TRPS1: variants seen among roughly 807,000 people sequenced by gnomAD.
The protein encoded by TRPS1 is transcriptional repressor GATA binding 1, also known as zinc finger transcription factor Trps1.
Under a neutral mutation model 101.2 loss-of-function variants are expected in TRPS1, and 6 were observed. The observed-to-expected ratio is 0.06, with a 90% confidence interval of 0.03 to 0.12. The LOEUF is 0.12. Among genes scored for constraint, TRPS1 ranks in the 10% least tolerant of loss-of-function variants. TRPS1 has a pLI of 1.00. For missense variants in TRPS1, 1,363 were observed against 1,567.0 expected (o/e 0.87, Z 2.20); for synonymous variants, 578 against 589.8 (o/e 0.98, Z 0.29).
At chr8:115,517,429 C>T (rs1248341674) in intron 5 of TRPS1, among the ~76,000 whole-genome samples, 1 of 151,120 alleles carries the variant, frequency 6.6e-6, no homozygotes, top group Non-Finnish European at 1.5e-5. Context: ...AATTTTTATA[C>T]AACAGTTATT....
At chr8:115,569,729 G>C (rs1200964479) in intron 5 of TRPS1, among the ~76,000 whole-genome samples, 1 of 152,064 alleles carries the variant, frequency 6.6e-6, no homozygotes, top group Admixed American at 6.6e-5. Flanking sequence ...CTTGAGCCCA[G>C]TATCTAATAT....
chr8:115,635,937 T>A (rs1406575346), intron 1 of TRPS1, among the ~76,000 whole-genome samples: 1 of 152,206 alleles, frequency 6.6e-6, no homozygotes, highest in Non-Finnish European at 1.5e-5. Context: ...CACATCAAGT[T>A]TTCATACATA....
intron 5 of TRPS1, among the ~76,000 whole-genome samples, chr8:115,585,302 G>A (rs905890227): frequency 1.3e-5 from 2 of 152,114 alleles, no homozygotes; most frequent in Admixed American, 6.5e-5. Flanking sequence ...CAACCACTAC[G>A]CTCAGGTTTT....
At chr8:115,628,784 A>G (rs932285296) in intron 1 of TRPS1, among the ~76,000 whole-genome samples, 24 of 151,970 alleles carry the variant, frequency 1.6e-4, no homozygotes, top group Middle Eastern at 6.8e-3. Flanking sequence ...GTTTAAGCAT[A>G]GATGACAAGA....
At chr8:115,453,911 G>A (rs1281489406) in intron 5 of TRPS1, among the ~76,000 whole-genome samples, 3 of 152,178 alleles carry the variant, frequency 2.0e-5, no homozygotes, top group Non-Finnish European at 4.4e-5. Context: ...TACTTGTAAG[G>A]AAATGTATTC....
At chr8:115,632,338 T>G (rs73703343) in intron 1 of TRPS1, among the ~76,000 whole-genome samples, 1 of 151,930 alleles carries the variant, frequency 6.6e-6, no homozygotes, top group East Asian at 1.9e-4. Flanking sequence ...ACATAAAAAA[T>G]AAATAGTTTA....
chr8:115,442,946 A>C (rs1813642762), intron 5 of TRPS1, among the ~76,000 whole-genome samples: 1 of 152,096 alleles, frequency 6.6e-6, no homozygotes. Context: ...TACAAAAAAA[A>C]TTAGCCGGAC....
intron 5 of TRPS1, among the ~76,000 whole-genome samples, chr8:115,461,504 G>C (rs561913839): frequency 1.3e-5 from 2 of 152,242 alleles, no homozygotes; most frequent in South Asian, 4.1e-4. Context: ...TGTGGAAACT[G>C]TCTTATTCAC....
chr8:115,503,259 C>CA lies in TRPS1; in HGVS notation c.2700+83741dup, dbSNP rs3069083. Among the ~76,000 whole-genome samples, 224 of 128,778 alleles carry CA rather than the reference C, an allele frequency of 1.7e-3. 22 individuals are homozygous for CA. Among genetic ancestry groups the CA allele is most frequent in the African/African-American group, 2.1e-3 (70 of 34,096 alleles). 84.5% of individuals were successfully genotyped at this position (128,778 alleles called of 152,430 possible). On this transcript the variant is annotated intron_variant, in intron 5 of 6. Transcript: ENST00000395715. ...CGGGAGACAGAGCAAGACTCTGTCT[C>CA]AAAAAAAAAAAAAAGAATGATACTA...
intron 5 of TRPS1, among the ~76,000 whole-genome samples, chr8:115,516,989 G>A (rs1234586222): frequency 6.6e-6 from 1 of 150,972 alleles, no homozygotes; most frequent in African/African-American, 2.4e-5. Context: ...GGAGTGGTTA[G>A]TGGTTAAAAA....
intron 5 of TRPS1, among the ~76,000 whole-genome samples, chr8:115,482,082 G>A (rs182972590): frequency 6.6e-6 from 1 of 152,278 alleles, no homozygotes; most frequent in Admixed American, 6.5e-5. Context: ...ATCCCAGATT[G>A]AGTATAAACT....
At chr8:115,491,104 C>A (rs1337420899) in intron 5 of TRPS1, among the ~76,000 whole-genome samples, 2 of 152,140 alleles carry the variant, frequency 1.3e-5, no homozygotes, top group Admixed American at 6.5e-5. Flanking sequence ...AACTGGGAGA[C>A]AAACAAAGGA....
chr8:115,471,952 C>T (rs750913633), intron 5 of TRPS1, among the ~76,000 whole-genome samples: 2 of 152,232 alleles, frequency 1.3e-5, no homozygotes, highest in African/African-American at 4.8e-5. Flanking sequence ...GGGTACAGCT[C>T]TGCTCCCAGC....
chr8:115,614,277 C>T (rs1818232185), intron 3 of TRPS1, among the ~76,000 whole-genome samples: 2 of 152,130 alleles, frequency 1.3e-5, no homozygotes, highest in South Asian at 4.1e-4. Flanking sequence ...CACTGATAAC[C>T]ACAATTTATT....
chr8:115,502,143 C>G lies in TRPS1; in HGVS notation c.2701-83691G>C, dbSNP rs77585464. ...TTACAGGCACAACCTTGATATGCTG[C>G]AGATTTGAATCGCCTTTTTTTCTTA... On this transcript the variant is annotated intron_variant, in intron 5 of 6. Transcript: ENST00000395715. 5.8e-3 allele frequency among the ~76,000 whole-genome samples: 879 copies of G among 152,206 alleles called. 6 individuals are homozygous for G. Among genetic ancestry groups the G allele is most frequent in the Non-Finnish European group, 7.2e-3 (493 of 68,016 alleles).
chr8:115,526,340 G>A (rs1163414800), intron 5 of TRPS1, among the ~76,000 whole-genome samples: 1 of 152,050 alleles, frequency 6.6e-6, no homozygotes, highest in African/African-American at 2.4e-5. Context: ...AATGTTCTGG[G>A]TCATCTACTC....
At position 115,664,078 on chromosome 8, in the gene TRPS1, C is replaced by A. The variant is rs2205268; in HGVS notation, c.-122+4467G>T. Among the ~76,000 whole-genome samples the A allele has an allele frequency of 8.1e-3, 1,232 of 152,082 alleles. 66 individuals are homozygous for A. Among genetic ancestry groups the A allele is most frequent in the Admixed American group, 0.072 (1,106 of 15,274 alleles). On this transcript the variant is annotated intron_variant, in intron 1 of 6. Coordinates refer to ENST00000395715, the MANE Select transcript of TRPS1 (RefSeq NM_014112.5). Reference sequence around the variant, plus strand: ...TATATAATTAATAGAATATTTTATACAAACAAATGACTTTGGCCCTACTTA... The same window carrying A: ...TATATAATTAATAGAATATTTTATAAAAACAAATGACTTTGGCCCTACTTA...
At chr8:115,658,178 CAG>C (rs1292502279) in intron 1 of TRPS1, among the ~76,000 whole-genome samples, 1 of 152,094 alleles carries the variant, frequency 6.6e-6, no homozygotes, top group Non-Finnish European at 1.5e-5. Context: ...GTAACCCAGT[CAG>C]AGGATTTTCA....
chr8:115,425,270 T>C (rs1813160651), intron 5 of TRPS1, among the ~76,000 whole-genome samples: 1 of 152,190 alleles, frequency 6.6e-6, no homozygotes, highest in Admixed American at 6.5e-5. Flanking sequence ...AAAACAGTCC[T>C]CTTTGCCCTC....
Sources: gnomAD v4.1 joint callset for allele counts (sites outside exome capture counted in the v4.1 genomes callset) on GRCh38, gnomAD v4.1.1 for gene constraint, MANE v1.5 for transcripts, NCBI Gene and HGNC (gene_info 2026-07-23, HGNC 2026-07-21) for gene names.